SSH2: variants seen among roughly 807,000 people sequenced by gnomAD.
SSH2 encodes the protein slingshot protein phosphatase 2.
A neutral mutation model predicts 135.2 loss-of-function variants in SSH2; 37 were observed. That is an observed-to-expected ratio of 0.27 (90% confidence interval 0.21 to 0.36). SSH2 has a LOEUF of 0.36. Among genes scored for constraint, SSH2 ranks in the 10% least tolerant of loss-of-function variants. SSH2 has a pLI of 1.00. For synonymous variants in SSH2, 628 were observed against 646.2 expected, an observed-to-expected ratio of 0.97 and a Z score of 0.43; for missense variants, 1,408 against 1,765.3, an observed-to-expected ratio of 0.80 and a Z score of 3.63.
chr17:29,915,057 GT>G (rs1311941644), intron 1 of SSH2, among the ~76,000 whole-genome samples: 2 of 152,166 alleles, frequency 1.3e-5, no homozygotes, highest in Non-Finnish European at 2.9e-5. Context: ...GAAAGTTTCA[GT>G]TTGTATAGAC....
At chr17:29,788,294 T>C (rs1169535675) in intron 3 of SSH2, among the ~76,000 whole-genome samples, 1 of 152,204 alleles carries the variant, frequency 6.6e-6, no homozygotes, top group African/African-American at 2.4e-5. Context: ...TAGTCCTCAC[T>C]CAATCTATTG....
chr17:29,749,205 C>G (rs1041034625), intron 3 of SSH2, among the ~76,000 whole-genome samples: 1 of 152,168 alleles, frequency 6.6e-6, no homozygotes, highest in Non-Finnish European at 1.5e-5. Context: ...CACAAGCCCA[C>G]TAGTATCGCA....
At chr17:29,739,194 CAG>C (rs575167189) in intron 3 of SSH2, among the ~76,000 whole-genome samples, 42 of 152,170 alleles carry the variant, frequency 2.8e-4, no homozygotes, top group African/African-American at 9.6e-4. Flanking sequence ...ATAGAGAAAA[CAG>C]GGGTTCAGAA....
In SSH2 at chr17:29,748,940, C is replaced by T. The variant is rs576046171; in HGVS notation, c.188+44954G>A. 1.8e-4 allele frequency among the ~76,000 whole-genome samples: 28 copies of T among 152,062 alleles called. No homozygotes were observed. In the South Asian group the frequency reaches 4.8e-3, roughly 26 times the overall value. ...GCCTAGCAATATGTTAAATGAATAA[C>T]GCAAAAAGGGTGTAGTTCAGTTATG... On this transcript the variant is annotated intron_variant, in intron 3 of 15. Coordinates refer to ENST00000540801, the MANE Select transcript of SSH2 (RefSeq NM_001282129.2).
intron 1 of SSH2, among the ~76,000 whole-genome samples, chr17:29,891,737 A>G (rs946946100): frequency 6.6e-6 from 1 of 152,186 alleles, no homozygotes; most frequent in Admixed American, 6.5e-5. Context: ...AAAAGTACAG[A>G]GCAGAACCGC....
At chr17:29,685,801 AG>A (rs1366906725) in intron 5 of SSH2, among the ~76,000 whole-genome samples, 2 of 150,688 alleles carry the variant, frequency 1.3e-5, no homozygotes, top group Non-Finnish European at 3.0e-5. Context: ...AAAAAAAAAA[AG>A]CTCAGTAATG....
At chr17:29,824,487 C>G (rs377312624) in intron 2 of SSH2, among the ~76,000 whole-genome samples, 1 of 152,192 alleles carries the variant, frequency 6.6e-6, no homozygotes, top group Non-Finnish European at 1.5e-5. Context: ...AGCTTCCCCT[C>G]TCATTTCACT....
intron 1 of SSH2, among the ~76,000 whole-genome samples, chr17:29,868,089 G>T (rs987320793): frequency 1.2e-4 from 18 of 152,232 alleles, no homozygotes; most frequent in African/African-American, 4.1e-4. Context: ...TAAACCTCAG[G>T]TATAATCTTT....
intron 5 of SSH2, among the ~76,000 whole-genome samples, chr17:29,687,862 A>G (rs1239551433): frequency 6.6e-6 from 1 of 152,182 alleles, no homozygotes; most frequent in African/African-American, 2.4e-5. Flanking sequence ...TCCTACACCA[A>G]CCAGTGGCAA....
intron 1 of SSH2, among the ~76,000 whole-genome samples, chr17:29,852,332 A>G (rs1048078189): frequency 2.6e-5 from 4 of 151,892 alleles, no homozygotes; most frequent in African/African-American, 9.7e-5. Flanking sequence ...TTGCATTCCT[A>G]AAGTTATTTT....
At chr17:29,912,213 A>C (rs529115017) in intron 1 of SSH2, among the ~76,000 whole-genome samples, 1 of 152,358 alleles carries the variant, frequency 6.6e-6, no homozygotes, top group African/African-American at 2.4e-5. Context: ...TTTTATGTGG[A>C]AAAAAGCAGA....
intron 6 of SSH2, 60 bp downstream of exon 6, chr17:29,684,503 A>G (rs2038126490): frequency 9.5e-6 from 13 of 1,368,536 alleles, no homozygotes; most frequent in Admixed American, 2.4e-5. Flanking sequence ...AAAAAAAAAA[A>G]GCAACTGGAA....
intron 2 of SSH2, among the ~76,000 whole-genome samples, chr17:29,827,000 C>T (rs778074498): frequency 2.6e-5 from 4 of 152,146 alleles, no homozygotes; most frequent in Non-Finnish European, 5.9e-5. Context: ...CTTCATCATT[C>T]CCCTCAACTC....
At chr17:29,657,357 C>T (rs1417713861) in intron 11 of SSH2, among the ~76,000 whole-genome samples, 1 of 151,814 alleles carries the variant, frequency 6.6e-6, no homozygotes, top group Non-Finnish European at 1.5e-5. Flanking sequence ...GCAACCTCCT[C>T]CTCTGGGGTT....
At chr17:29,716,206 A>C (rs2039616680) in intron 3 of SSH2, 2 of 271,046 alleles carry the variant, frequency 7.4e-6, no homozygotes, top group Non-Finnish European at 1.4e-5. Flanking sequence ...CATACCCTTA[A>C]AAGAAAACAA....
intron 3 of SSH2, among the ~76,000 whole-genome samples, chr17:29,785,805 CT>C (rs748367220): frequency 0.014 from 1,776 of 125,086 alleles, 20 homozygotes; most frequent in Non-Finnish European, 0.02. Context: ...AGTCCGTTTA[CT>C]TTTTTTTTTT....
intron 11 of SSH2, among the ~76,000 whole-genome samples, chr17:29,661,078 A>G (rs1053048566): frequency 3.3e-5 from 5 of 151,686 alleles, no homozygotes; most frequent in African/African-American, 7.3e-5. Flanking sequence ...AAAAAAAAAA[A>G]AAAAGAAAAG....
intron 3 of SSH2, among the ~76,000 whole-genome samples, chr17:29,753,266 G>A (rs1336811381): frequency 6.6e-6 from 1 of 151,838 alleles, no homozygotes; most frequent in Non-Finnish European, 1.5e-5. Context: ...GAGTAGGTGG[G>A]ATTACAGGCA....
At chr17:29,745,669 G>T (rs2040736304) in intron 3 of SSH2, among the ~76,000 whole-genome samples, 1 of 152,158 alleles carries the variant, frequency 6.6e-6, no homozygotes, top group African/African-American at 2.4e-5. Context: ...TTAGGATAAT[G>T]ATGGAAATGA....
Sources: allele counts gnomAD v4.1 joint callset (sites outside exome capture counted in the v4.1 genomes callset), GRCh38; gene constraint gnomAD v4.1.1; transcripts MANE v1.5; gene names NCBI Gene and HGNC (gene_info 2026-07-23, HGNC 2026-07-21).